MGAT4C: variants seen among roughly 807,000 people sequenced by gnomAD.
MGAT4C encodes the protein MGAT4 family member C.
Under a neutral mutation model 40.1 loss-of-function variants are expected in MGAT4C, and 19 were observed. The observed-to-expected ratio is 0.47, with a 90% confidence interval of 0.33 to 0.70. The LOEUF (loss-of-function observed/expected upper bound fraction) is 0.70, where lower values mean the gene tolerates loss of function less well. Among genes scored for constraint, MGAT4C ranks in the 30% least tolerant of loss-of-function variants. The pLI is 0.02. For synonymous variants in MGAT4C, 181 were observed against 187.1 expected, an observed-to-expected ratio of 0.97 and a Z score of 0.27; for missense variants, 491 against 563.2, an observed-to-expected ratio of 0.87 and a Z score of 1.30.
In MGAT4C at chr12:86,556,961, T is replaced by C. The variant is rs145337731; in HGVS notation, c.-228-121696A>G. Reference sequence around the variant, plus strand: ...TTTAAGAAGAAAGCTATTATGTTGATAGATAAAGAGAAAACTGAAGAAAGA... The same window carrying C: ...TTTAAGAAGAAAGCTATTATGTTGACAGATAAAGAGAAAACTGAAGAAAGA... On this transcript the variant is annotated intron_variant, in intron 2 of 7. Transcript: ENST00000548651. Among the ~76,000 whole-genome samples, 1,235 of 152,074 alleles carry C rather than the reference T, an allele frequency of 8.1e-3. 9 individuals are homozygous for C. Among genetic ancestry groups the C allele is most frequent in the South Asian group, 0.016 (76 of 4,826 alleles).
intron 2 of MGAT4C, among the ~76,000 whole-genome samples, chr12:86,704,792 A>G (rs982162794): frequency 6.6e-6 from 1 of 152,188 alleles, no homozygotes; most frequent in African/African-American, 2.4e-5. Flanking sequence ...AGTGTAACAC[A>G]TGATATATTA....
At chr12:86,489,792 C>T (rs1404746228) in intron 2 of MGAT4C, among the ~76,000 whole-genome samples, 1 of 151,938 alleles carries the variant, frequency 6.6e-6, no homozygotes. Context: ...GCCTCAGGAG[C>T]CGATGCGATC....
At chr12:86,052,120 T>C (rs1892955290) in intron 1 of MGAT4C, among the ~76,000 whole-genome samples, 1 of 151,778 alleles carries the variant, frequency 6.6e-6, no homozygotes, top group East Asian at 1.9e-4. Flanking sequence ...CAGGTTGCCA[T>C]AATAAGATAA....
intron 2 of MGAT4C, among the ~76,000 whole-genome samples, chr12:86,671,115 C>T (rs1435984980): frequency 6.6e-5 from 10 of 152,152 alleles, no homozygotes; most frequent in Admixed American, 3.3e-4. Flanking sequence ...ATGTTAACAT[C>T]GTTCTTGAAT....
chr12:86,056,621 T>C (rs1893424781), intron 1 of MGAT4C, among the ~76,000 whole-genome samples: 1 of 152,200 alleles, frequency 6.6e-6, no homozygotes, highest in Non-Finnish European at 1.5e-5. Context: ...ATTTTCTTAA[T>C]CCAGTCTATC....
chr12:86,091,090 C>G (rs1165929611), intron 1 of MGAT4C, among the ~76,000 whole-genome samples: 2 of 151,894 alleles, frequency 1.3e-5, no homozygotes, highest in African/African-American at 4.8e-5. Flanking sequence ...AGGAAAGAAT[C>G]TGAAATACGT....
chr12:86,060,422 G>A (rs533870765), intron 1 of MGAT4C, among the ~76,000 whole-genome samples: 2 of 152,210 alleles, frequency 1.3e-5, no homozygotes, highest in African/African-American at 2.4e-5. Flanking sequence ...CAAAATGCCT[G>A]TTATAGCTTA....
intron 1 of MGAT4C, among the ~76,000 whole-genome samples, chr12:86,188,922 T>C (rs839103): frequency 0.66 from 100,212 of 151,732 alleles, 33,544 homozygotes; most frequent in South Asian, 0.75. Flanking sequence ...AGTTTATAAA[T>C]AATGCCTTTA....
chr12:86,289,944 T>C (rs1173763017), intron 4 of MGAT4C, among the ~76,000 whole-genome samples: 1 of 152,192 alleles, frequency 6.6e-6, no homozygotes, highest in Non-Finnish European at 1.5e-5. Flanking sequence ...ATAACCACTC[T>C]GTAGGTTAGC....
chr12:86,589,136 C>T (rs940710041), intron 2 of MGAT4C, among the ~76,000 whole-genome samples: 5 of 151,562 alleles, frequency 3.3e-5, no homozygotes, highest in Admixed American at 2.0e-4. Flanking sequence ...AAAGGATCAA[C>T]AAAATTGATA....
Position 86,038,982 on chromosome 12 carries a change from C to T in MGAT4C, c.-7+10692G>A, listed in dbSNP as rs771809105. ...TCTGCAAAAGGTTTTTTTTCTCCTT[C>T]GCTTATGAAGCTTAGTTTGGGAGGA... On this transcript the variant is annotated intron_variant, in intron 2 of 4. Coordinates refer to ENST00000611864, the MANE Select transcript of MGAT4C (RefSeq NM_001351288.2). 2.1e-4 allele frequency among the ~76,000 whole-genome samples: 32 copies of T among 149,152 alleles called. 2 individuals are homozygous for T. The highest frequency in any genetic ancestry group is 6.1e-4 in the African/African-American group (25 of 41,046).
intron 2 of MGAT4C, among the ~76,000 whole-genome samples, chr12:86,444,806 T>C (rs762463825): frequency 3.3e-5 from 5 of 152,202 alleles, no homozygotes; most frequent in Non-Finnish European, 7.4e-5. Flanking sequence ...CTCCAGAACA[T>C]TTTCATCTTT....
chr12:86,298,768 A>G lies in MGAT4C; in HGVS notation c.-57+35297T>C, dbSNP rs558100293. On this transcript the variant is annotated intron_variant, in intron 4 of 7. Transcript: ENST00000548651. ...TGGTAATCTATTTATTCTGGAAGTC[A>G]ACTAGTAGACTGTAAGCAAGAAATG... 2.4e-3 allele frequency among the ~76,000 whole-genome samples: 367 copies of G among 152,294 alleles called. 1 individual carries two copies. The highest frequency in any genetic ancestry group is 8.2e-3 in the African/African-American group (341 of 41,568).
intron 1 of MGAT4C, among the ~76,000 whole-genome samples, chr12:86,808,870 T>G (rs12811803): frequency 0.11 from 16,115 of 152,110 alleles, 1,160 homozygotes; most frequent in Non-Finnish European, 0.15. Context: ...TGTGATCCTA[T>G]GTCTAGGAAA....
chr12:86,382,457 T>A (rs1038057110), intron 3 of MGAT4C, among the ~76,000 whole-genome samples: 6 of 152,198 alleles, frequency 3.9e-5, no homozygotes, highest in Middle Eastern at 3.4e-3. Flanking sequence ...GTTCAAAAAA[T>A]TTGCAGCCTG....
At chr12:86,392,354 C>G (rs971534666) in intron 3 of MGAT4C, among the ~76,000 whole-genome samples, 5 of 152,088 alleles carry the variant, frequency 3.3e-5, no homozygotes, top group Admixed American at 2.6e-4. Context: ...CACCTGTAAT[C>G]CTAGCTACTT....
At chr12:86,602,822 A>G (rs1961832755) in intron 2 of MGAT4C, among the ~76,000 whole-genome samples, 1 of 152,004 alleles carries the variant, frequency 6.6e-6, no homozygotes, top group South Asian at 2.1e-4. Flanking sequence ...ATACGATGCA[A>G]CAATCTCGCC....
intron 1 of MGAT4C, among the ~76,000 whole-genome samples, chr12:86,195,531 T>C (rs1440428660): frequency 6.6e-6 from 1 of 152,158 alleles, no homozygotes; most frequent in Non-Finnish European, 1.5e-5. Context: ...TGATAACACA[T>C]GCTTGAAAAT....
Position 85,957,810 on chromosome 12 carries a change from T to C in MGAT4C, c.*21479A>G, listed in dbSNP as rs978065611. ...TGCAGGTGGTGCATGCATTTAATAA[T>C]AGTTTAAGATATTAAATAATTAAAT... On this transcript the variant is annotated 3_prime_UTR_variant, in exon 5 of 5. Transcript: ENST00000611864. 1.4e-5 allele frequency: 2 copies of C among 145,086 alleles called. No individual in the cohort carries two copies. Among genetic ancestry groups the C allele is most frequent in the South Asian group, 2.1e-4 (1 of 4,732 alleles). The allele number at this position is 145,086 out of a possible 1,614,324, so 9.0% of individuals were successfully genotyped here.
Sources: allele counts gnomAD v4.1 joint callset (sites outside exome capture counted in the v4.1 genomes callset), GRCh38; gene constraint gnomAD v4.1.1; transcripts MANE v1.5; gene names NCBI Gene and HGNC (gene_info 2026-07-23, HGNC 2026-07-21).